Variants in RNMT observed in about 807,000 individuals in gnomAD.
The protein encoded by RNMT is mRNA cap guanine-N(7) methyltransferase.
RNMT carries 27 observed loss-of-function variants against 56.0 expected under a neutral mutation model. That is an observed-to-expected ratio of 0.48 (90% CI 0.36 to 0.67). The LOEUF is 0.67. RNMT is among the 30% of genes least tolerant of loss of function. The pLI is 0.00. For missense variants in RNMT, 519 were observed against 552.1 expected (o/e 0.94, Z 0.60); for synonymous variants, 184 against 176.2 (o/e 1.04, Z -0.35).
intron 8 of RNMT, among the ~76,000 whole-genome samples, chr18:13,743,991 T>C (rs2044303424): frequency 6.6e-6 from 1 of 152,020 alleles, no homozygotes; most frequent in Non-Finnish European, 1.5e-5. Flanking sequence ...GGGGAAATGT[T>C]ACTGCTCTTC....
chr18:13,751,601 G>C (rs1007881190), intron 9 of RNMT, among the ~76,000 whole-genome samples: 1 of 152,176 alleles, frequency 6.6e-6, no homozygotes, highest in Non-Finnish European at 1.5e-5. Flanking sequence ...ATTTGACCCA[G>C]CAATCCCATT....
chr18:13,749,271 G>C (rs1340971220), intron 9 of RNMT, among the ~76,000 whole-genome samples: 1 of 152,184 alleles, frequency 6.6e-6, no homozygotes, highest in African/African-American at 2.4e-5. Context: ...ACGAAGTTCT[G>C]AAGCTTTGTG....
chr18:13,736,481 A>G, intron 4 of RNMT, among the ~76,000 whole-genome samples: 1 of 151,860 alleles, frequency 6.6e-6, no homozygotes, highest in East Asian at 1.9e-4. Flanking sequence ...TGCTAAAACT[A>G]AAAGACATAG....
At chr18:13,746,813 G>A (rs1044213742) in intron 9 of RNMT, among the ~76,000 whole-genome samples, 7 of 152,168 alleles carry the variant, frequency 4.6e-5, no homozygotes, top group Non-Finnish European at 8.8e-5. Context: ...TTTTGGTTAC[G>A]ACAGTAATTT....
intron 5 of RNMT, among the ~76,000 whole-genome samples, chr18:13,737,872 A>G (rs1362294275): frequency 6.6e-6 from 1 of 151,948 alleles, no homozygotes; most frequent in Non-Finnish European, 1.5e-5. Context: ...TTTTTTTTCA[A>G]TCAGATAAAG....
chr18:13,734,747 G>C (rs2044130985), intron 4 of RNMT, 148 bp downstream of exon 4: 1 of 638,852 alleles, frequency 1.6e-6, no homozygotes. Flanking sequence ...ATTTTAATGA[G>C]TGTTTAATTA....
At position 13,745,218 on chromosome 18, in the gene RNMT, G is replaced by A. The variant is rs35092960; in HGVS notation, c.1140-1002G>A. Among the ~76,000 whole-genome samples the A allele has an allele frequency of 5.8e-3, 878 of 152,302 alleles. 5 individuals are homozygous for A. Among genetic ancestry groups the A allele is most frequent in the Middle Eastern group, 0.02 (6 of 294 alleles). ...TATCCTAAGTGCACTGGAGCCCAGT[G>A]GAGGGTGTTAAGGGGGTAGTGACAT... is the stretch of plus-strand genomic sequence containing the variant. On this transcript the variant is annotated intron_variant, in intron 8 of 11. Coordinates refer to ENST00000383314, the MANE Select transcript of RNMT (RefSeq NM_003799.3).
intron 1 of RNMT, among the ~76,000 whole-genome samples, chr18:13,729,783 A>G (rs1284841555): frequency 6.6e-6 from 1 of 151,588 alleles, no homozygotes; most frequent in African/African-American, 2.4e-5. Flanking sequence ...TTTTTTAAGC[A>G]CAAACACTTC....
At chr18:13,734,028 C>T (rs971544624) in intron 3 of RNMT, among the ~76,000 whole-genome samples, 1 of 152,182 alleles carries the variant, frequency 6.6e-6, no homozygotes, top group Non-Finnish European at 1.5e-5. Flanking sequence ...ATCATGGGCG[C>T]AGTTCCCCAT....
intron 8 of RNMT, among the ~76,000 whole-genome samples, chr18:13,744,125 T>G (rs2044306210): frequency 6.8e-6 from 1 of 146,596 alleles, no homozygotes; most frequent in African/African-American, 2.5e-5. Flanking sequence ...AACAAAAGAT[T>G]TGTTTTAAAT....
At chr18:13,738,756 G>A (rs1267454746) in intron 5 of RNMT, among the ~76,000 whole-genome samples, 5 of 152,214 alleles carry the variant, frequency 3.3e-5, no homozygotes, top group East Asian at 3.8e-4. Context: ...GAGTTTTTCA[G>A]GGTTGTAATT....
intron 3 of RNMT, among the ~76,000 whole-genome samples, chr18:13,734,154 C>A (rs1435866420): frequency 6.6e-6 from 1 of 152,200 alleles, no homozygotes; most frequent in Admixed American, 6.5e-5. Flanking sequence ...CTGCCTTTCA[C>A]CTTCCACCAT....
intron 1 of RNMT, among the ~76,000 whole-genome samples, chr18:13,727,760 C>G (rs924389870): frequency 1.1e-4 from 16 of 152,330 alleles, no homozygotes; most frequent in Non-Finnish European, 2.1e-4. Flanking sequence ...CTTCCTGCTA[C>G]CCTTCCCAGT....
At chr18:13,742,281 G>A (rs1448092133) in intron 7 of RNMT, among the ~76,000 whole-genome samples, 2 of 150,834 alleles carry the variant, frequency 1.3e-5, no homozygotes, top group Non-Finnish European at 2.9e-5. Context: ...GCTGTAGTGA[G>A]CTATGATCAC....
chr18:13,751,372 A>G (rs1233233570), intron 9 of RNMT, among the ~76,000 whole-genome samples: 1 of 152,226 alleles, frequency 6.6e-6, no homozygotes, highest in Non-Finnish European at 1.5e-5. Context: ...GGAAATGCTC[A>G]TCATCACTGG....
At chr18:13,748,024 G>A (rs551731193) in intron 9 of RNMT, among the ~76,000 whole-genome samples, 9 of 152,298 alleles carry the variant, frequency 5.9e-5, no homozygotes, top group African/African-American at 2.2e-4. Flanking sequence ...AGGTATGGTA[G>A]GGTATGGGAT....
chr18:13,751,166 T>C (rs896590112), intron 9 of RNMT, among the ~76,000 whole-genome samples: 1 of 152,274 alleles, frequency 6.6e-6, no homozygotes, highest in East Asian at 1.9e-4. Flanking sequence ...AAAGAAACTA[T>C]CATCAGAGTG....
intron 10 of RNMT, among the ~76,000 whole-genome samples, chr18:13,753,206 C>A (rs191454637): frequency 6.6e-6 from 1 of 152,166 alleles, no homozygotes; most frequent in Admixed American, 6.5e-5. Flanking sequence ...CAGTGGCTCA[C>A]GCCTGTAATC....
At chr18:13,744,299 G>GT (rs1409296534) in intron 8 of RNMT, among the ~76,000 whole-genome samples, 1 of 151,458 alleles carries the variant, frequency 6.6e-6, no homozygotes, top group Non-Finnish European at 1.5e-5. Context: ...ATGTGTGGGG[G>GT]TTTTGAGATG....
Sources: allele counts gnomAD v4.1 joint callset (sites outside exome capture counted in the v4.1 genomes callset), GRCh38; gene constraint gnomAD v4.1.1; transcripts MANE v1.5; gene names NCBI Gene and HGNC (gene_info 2026-07-23, HGNC 2026-07-21).